Variants in SETD4 observed in about 807,000 individuals in gnomAD.
SETD4 encodes the protein SET domain-containing protein 4.
A neutral mutation model predicts 58.3 loss-of-function variants in SETD4; 46 were observed. The ratio of observed to expected loss-of-function variants is 0.79; its 90% CI spans 0.62 to 1.01. The LOEUF (loss-of-function observed/expected upper bound fraction) is 1.01. SETD4 is among the 50% of genes least tolerant of loss of function. SETD4 has a pLI of 0.00. For missense variants in SETD4, 490 were observed against 523.3 expected, an observed-to-expected ratio of 0.94 and a Z score of 0.62; for synonymous variants, 190 against 202.6, an observed-to-expected ratio of 0.94 and a Z score of 0.53.
chr21:36,048,407 G>A lies in SETD4; in HGVS notation c.208-11C>T. ...AATCATCTGTCCCTCCTGGCCAAAA[G>A]GAAAGTAAAGTTGAGGACGCCTATG... On this transcript the variant is annotated splice_polypyrimidine_tract_variant and intron_variant, in intron 4 of 11. Coordinates refer to ENST00000332131, the MANE Select transcript of SETD4 (RefSeq NM_017438.5). 6.2e-7 allele frequency: 1 copy of A among 1,613,640 alleles called. No homozygotes were observed. Among genetic ancestry groups the A allele is most frequent in the South Asian group, 1.1e-5 (1 of 91,066 alleles).
Position 36,045,974 on chromosome 21 carries a change from T to A in SETD4, c.334A>T (p.Thr112Ser). The A allele has an allele frequency of 6.2e-7, 1 of 1,614,070 alleles. No homozygotes were observed. Among genetic ancestry groups the A allele is most frequent in the African/African-American group, 1.3e-5 (1 of 75,036 alleles). ...PPPSPLLALC[T>S]FLVSEKHAGH... ...GCATGCTTTTCTGAAACTAAAAAGG[T>A]GCACAGCGCCAGCAGAGGAGATGGA... The change falls in exon 6 of 12, where the codon ACC (threonine) becomes TCC (serine). Residue 112 changes from threonine to serine, a missense_variant. Coordinates refer to ENST00000332131, the MANE Select transcript of SETD4 (RefSeq NM_017438.5).
intron 9 of SETD4, among the ~76,000 whole-genome samples, chr21:36,038,832 G>A (rs1157100505): frequency 1.3e-5 from 2 of 152,154 alleles, no homozygotes; most frequent in Non-Finnish European, 2.9e-5. Context: ...TCAGTCAGCA[G>A]GCAGGGCCCA....
rs150561032 is a variant in SETD4, at chr21:36,056,591, C to T, written c.169+518G>A. Among the ~76,000 whole-genome samples the T allele has an allele frequency of 3.4e-4, 52 of 152,340 alleles. 1 individual carries two copies. The South Asian group carries it at 6.2e-3, about 18-fold the overall frequency. Reference sequence around the variant, plus strand: ...GTTAGTTTTTTGAGACAAGGTCTCACTCTATCGCCCAAGCTGGAGTGCAGG... The same window carrying T: ...GTTAGTTTTTTGAGACAAGGTCTCATTCTATCGCCCAAGCTGGAGTGCAGG... On this transcript the variant is annotated intron_variant, in intron 3 of 11. Transcript: ENST00000332131.
At chr21:36,048,059 GGGAGGGAGGGAGGGAA>G (rs2064430042) in intron 5 of SETD4, among the ~76,000 whole-genome samples, 1 of 144,484 alleles carries the variant, frequency 6.9e-6, no homozygotes, top group South Asian at 2.3e-4. Context: ...AAGGAAGAGA[GGGAGGGAGGGAGGGAA>G]GGAGGGAAGG....
At chr21:36,051,311 ACT>A (rs2064672670) in intron 4 of SETD4, 1 of 1,587,956 alleles carries the variant, frequency 6.3e-7, no homozygotes, top group African/African-American at 1.3e-5. Context: ...TGCTCACCAA[ACT>A]CCCAGGGTGA....
intron 4 of SETD4, among the ~76,000 whole-genome samples, chr21:36,049,762 AAT>A (rs2064545443): frequency 6.6e-6 from 1 of 152,198 alleles, no homozygotes; most frequent in African/African-American, 2.4e-5. Context: ...CTATATGTAA[AAT>A]ATGTCTCAAT....
intron 2 of SETD4, 94 bp from the exon 3 acceptor site, chr21:36,057,298 A>T (rs1002347813): frequency 2.2e-6 from 2 of 925,562 alleles, no homozygotes; most frequent in Non-Finnish European, 3.6e-6. Context: ...TGTGTCAGAC[A>T]GACTTACACA....
chr21:36,045,831 A>C lies in SETD4; in HGVS notation c.477T>G (p.Ala159=), dbSNP rs1476164436. ...CCTGCACGTGGGCTCTCTGCTCTTC[A>C]GCCTTTGCTTTTAAAGATTTGGGAA... ...NLLPKSLKAK[A]EEQRAHVQEF... is the part of the protein sequence containing the mutation. The change falls in exon 6 of 12, where the codon GCT becomes GCG. Residue 159 remains alanine (A), a synonymous_variant. Coordinates refer to ENST00000332131, the MANE Select transcript of SETD4 (RefSeq NM_017438.5). The C allele has an allele frequency of 6.2e-7, 1 of 1,614,086 alleles. No individual in the cohort carries two copies. The highest frequency in any genetic ancestry group is 1.3e-5 in the African/African-American group (1 of 74,930).
chr21:36,047,273 C>T (rs1034462545), intron 5 of SETD4, among the ~76,000 whole-genome samples: 1 of 152,024 alleles, frequency 6.6e-6, no homozygotes, highest in Admixed American at 6.6e-5. Flanking sequence ...AAGAAAAAAA[C>T]GGTATACTCT....
rs2123510443 is a variant in SETD4 at position 36,038,150 on chromosome 21, C to G, written c.1188G>C (p.Lys396Asn). The change falls in exon 10 of 12, where the codon AAG becomes AAC. Residue 396 changes from lysine to asparagine, a missense_variant and splice_region_variant. By Grantham distance (94) the Lys-to-Asn change is moderately conservative. Transcript: ENST00000332131. ...FIEETNAVLQ[K>N]VSHMKDEKEA... ...AGGATGTCATATTCTAGAAACATAC[C>G]TTTTGAAGCACAGCATTAGTCTCTT... The G allele has an allele frequency of 1.9e-6, 3 of 1,608,932 alleles. No individual in the cohort carries two copies. Among genetic ancestry groups the G allele is most frequent in the Non-Finnish European group, 2.5e-6 (3 of 1,178,634 alleles).
chr21:36,051,277 A>T lies in SETD4; in HGVS notation c.207+2306T>A, dbSNP rs191552920. 9.7e-5 allele frequency: 154 copies of T among 1,594,378 alleles called. 2 individuals carry two copies. In the East Asian group the frequency reaches 3.0e-3, roughly 31 times the overall value. ...GCAAGTTCCAGCTCTGTTGACAGTG[A>T]CCCTGAAAGCATGGAGCGAGAGCTG... On this transcript the variant is annotated intron_variant, in intron 4 of 11. Coordinates refer to ENST00000332131, the MANE Select transcript of SETD4 (RefSeq NM_017438.5).
intron 6 of SETD4, 141 bp downstream of exon 6, chr21:36,045,441 G>A: frequency 2.1e-6 from 2 of 932,228 alleles, no homozygotes; most frequent in Non-Finnish European, 3.2e-6. Context: ...GGAGCCTCCT[G>A]ACGTCAGGCC....
intron 4 of SETD4, chr21:36,053,311 A>G: frequency 1.9e-6 from 1 of 516,114 alleles, no homozygotes; most frequent in East Asian, 3.4e-5. Flanking sequence ...CAGCCATGGG[A>G]CTGCCCCACC....
chr21:36,047,995 C>T (rs1045810740), intron 5 of SETD4, among the ~76,000 whole-genome samples: 1 of 148,036 alleles, frequency 6.8e-6, no homozygotes. Context: ...ACAGGTGAGA[C>T]TCCATCTCAA....
Position 36,060,103 on chromosome 21 carries a change from G to A in SETD4, c.-37+244C>T, listed in dbSNP as rs916895981. On this transcript the variant is annotated intron_variant, in intron 1 of 11. Coordinates refer to ENST00000332131, the MANE Select transcript of SETD4 (RefSeq NM_017438.5). ...GCCATAGGCCAGCCAGGCGAGCATCGGACCTCGGGCCTCAGGCTCCTCAGC... is the reference window on the plus strand; with the variant it reads ...GCCATAGGCCAGCCAGGCGAGCATCAGACCTCGGGCCTCAGGCTCCTCAGC... 10 of 985,596 alleles carry A rather than the reference G, an allele frequency of 1.0e-5. No homozygotes were observed. The South Asian group carries it at 3.3e-4, about 32-fold the overall frequency. 61.1% of individuals were successfully genotyped at this position (985,596 alleles called of 1,614,324 possible).
At chr21:36,047,178 C>T (rs575850499) in intron 5 of SETD4, among the ~76,000 whole-genome samples, 21 of 152,120 alleles carry the variant, frequency 1.4e-4, no homozygotes, top group African/African-American at 4.8e-4. Flanking sequence ...CTGCTTGAAC[C>T]CGGAAGGTGG....
At chr21:36,040,124 G>A (rs974130560) in intron 9 of SETD4, among the ~76,000 whole-genome samples, 3 of 151,946 alleles carry the variant, frequency 2.0e-5, no homozygotes, top group African/African-American at 4.9e-5. Context: ...CACCCACACC[G>A]GGGGCTCCCC....
At chr21:36,037,412 C>T (rs1224114583) in intron 10 of SETD4, among the ~76,000 whole-genome samples, 1 of 151,630 alleles carries the variant, frequency 6.6e-6, no homozygotes, top group African/African-American at 2.4e-5. Context: ...TGAGACTAGC[C>T]TGCCCAACAT....
At chr21:36,047,894 T>C (rs1031282510) in intron 5 of SETD4, among the ~76,000 whole-genome samples, 1 of 147,924 alleles carries the variant, frequency 6.8e-6, no homozygotes, top group Non-Finnish European at 1.5e-5. Context: ...TAATCCCAGC[T>C]ACTTGGGAGG....
Sources: allele counts gnomAD v4.1 joint callset (sites outside exome capture counted in the v4.1 genomes callset), GRCh38; gene constraint gnomAD v4.1.1; transcripts MANE v1.5; gene names NCBI Gene and HGNC (gene_info 2026-07-23, HGNC 2026-07-21).